The following SPEN variants were observed in gnomAD, a reference collection of about 807,000 sequenced individuals.
The protein encoded by SPEN is spen family transcriptional repressor.
Under a neutral mutation model 269.9 loss-of-function variants are expected in SPEN, and 18 were observed. The ratio of observed to expected loss-of-function variants is 0.07; its 90% CI spans 0.05 to 0.10. The LOEUF is 0.10. Among genes scored for constraint, SPEN ranks in the 10% least tolerant of loss-of-function variants. The pLI, the probability that SPEN is intolerant of heterozygous loss-of-function variation, is 1.00. For missense variants in SPEN, 3,822 were observed against 4,631.2 expected (o/e 0.83, Z 5.07); for synonymous variants, 1,726 against 1,765.7 (o/e 0.98, Z 0.56).
At chr1:15,855,299 TTTGA>T (rs1191934767) in intron 1 of SPEN, among the ~76,000 whole-genome samples, 9 of 152,212 alleles carry the variant, frequency 5.9e-5, no homozygotes, top group South Asian at 2.1e-4. Context: ...TTGTATTGAC[TTTGA>T]TTGTTATATT....
chr1:15,883,470 A>G, intron 3 of SPEN, among the ~76,000 whole-genome samples: 1 of 151,190 alleles, frequency 6.6e-6, no homozygotes, highest in East Asian at 2.0e-4. Flanking sequence ...TGCCCAGGCT[A>G]GAGTGCAGTG....
intron 2 of SPEN, among the ~76,000 whole-genome samples, 169 bp from the exon 3 acceptor site, chr1:15,876,033 C>T (rs557270602): frequency 6.6e-6 from 1 of 152,246 alleles, no homozygotes; most frequent in South Asian, 2.1e-4. Flanking sequence ...TTTTTGGAGT[C>T]AAGTAAAATG....
chr1:15,936,832 T>C (rs188517971), intron 11 of SPEN, among the ~76,000 whole-genome samples: 1 of 152,302 alleles, frequency 6.6e-6, no homozygotes, highest in Admixed American at 6.5e-5. Flanking sequence ...AGTGAACTGG[T>C]CAGCTAGTCC....
chr1:15,924,870 C>T (rs954216586), intron 10 of SPEN, among the ~76,000 whole-genome samples: 11 of 152,142 alleles, frequency 7.2e-5, no homozygotes, highest in Admixed American at 5.2e-4. Context: ...CATGAGGACG[C>T]AGGAGGGTGT....
intron 3 of SPEN, among the ~76,000 whole-genome samples, chr1:15,887,431 G>A (rs550712276): frequency 2.0e-4 from 30 of 151,404 alleles, no homozygotes; most frequent in East Asian, 5.9e-4. Flanking sequence ...ACAAGCGCCC[G>A]CCACCACGCC....
In SPEN at chr1:15,939,668, C is replaced by T. The variant is rs2071318190; in HGVS notation, c.*241C>T. On this transcript the variant is annotated 3_prime_UTR_variant, in exon 15 of 15. Transcript: ENST00000375759. The surrounding 1 kb of genome is among the most constrained non-coding windows in gnomAD (Gnocchi z 4.1). ...GACACATCACCAACCCATGGACTCG[C>T]AGACACCGGGGCTGGGTTTCTCTTT... 5.3e-6 allele frequency: 2 copies of T among 379,312 alleles called. No homozygotes were observed. Among genetic ancestry groups the T allele is most frequent in the Non-Finnish European group, 9.3e-6 (2 of 214,986 alleles). 23.5% of individuals were successfully genotyped at this position (379,312 alleles called of 1,614,324 possible).
chr1:15,884,573 G>C (rs1271790521), intron 3 of SPEN, among the ~76,000 whole-genome samples: 3 of 152,050 alleles, frequency 2.0e-5, no homozygotes, highest in East Asian at 3.8e-4. Flanking sequence ...GTGCATTCAG[G>C]TGTCAATTGG....
At chr1:15,911,371 G>T in intron 5 of SPEN, 70 bp downstream of exon 5, 2 of 1,262,030 alleles carry the variant, frequency 1.6e-6, no homozygotes, top group Admixed American at 3.5e-5. Context: ...GTATGAGAGG[G>T]CAGCATATGA....
In SPEN at chr1:15,928,864, T is replaced by A; in HGVS notation, c.2624T>A (p.Met875Lys). The change falls in exon 11 of 15, where the codon ATG becomes AAG. Residue 875 changes from methionine (M) to lysine (K), a missense_variant. Physicochemically the swap from Met to Lys is moderately conservative, Grantham distance 95. Transcript: ENST00000375759. This position sits in a 1 kb window ranked among gnomAD's most constrained non-coding sequence, Gnocchi z 5.7. ...EGIAKNRLEL[M>K]PCVVLTRVKE... ...ATAGCGAAAAACCGCCTGGAACTCA[T>A]GCCTTGCGTGGTTTTGACTCGAGTG... 6.2e-7 allele frequency: 1 copy of A among 1,614,150 alleles called. No homozygotes were observed. Among genetic ancestry groups the A allele is most frequent in the Non-Finnish European group, 8.5e-7 (1 of 1,180,018 alleles).
intron 3 of SPEN, among the ~76,000 whole-genome samples, chr1:15,885,919 T>C (rs2070732764): frequency 6.6e-6 from 1 of 152,206 alleles, no homozygotes; most frequent in African/African-American, 2.4e-5. Flanking sequence ...TTTGTTATTG[T>C]GCAATAAGCA....
Position 15,937,486 on chromosome 1 carries a change from G to C in SPEN, c.10350G>C (p.Gln3450His). The C allele has an allele frequency of 6.2e-7, 1 of 1,613,860 alleles. No homozygotes were observed. The highest frequency in any genetic ancestry group is 8.5e-7 in the Non-Finnish European group (1 of 1,180,020). The part of the protein sequence containing the change: ...KPDLPVSLPT[Q>H]TAPKQPLFVP... ...ACCTTCCAGTCTCTCTTCCCACTCA[G>C]ACTGCCCCAAAACAGCCGTTGTTTG... Residue 3450 changes from glutamine to histidine, a missense_variant, in exon 12 of 15, where the codon CAG becomes CAC. By Grantham distance (24) the Gln-to-His change is conservative. This residue lies in a region of SPEN where 359 missense variants were observed against 377.3 expected (regional missense o/e 0.95). Transcript: ENST00000375759. The surrounding 1 kb of genome is among the most constrained non-coding windows in gnomAD (Gnocchi z 5.7).
At chr1:15,920,731 A>G (rs904741786) in intron 8 of SPEN, 139 bp from the exon 9 acceptor site, 1 of 374,436 alleles carries the variant, frequency 2.7e-6, no homozygotes, top group African/African-American at 2.1e-5. Flanking sequence ...TGTGCATCAC[A>G]CTTTTTTTTT....
In SPEN at chr1:15,869,580, G is replaced by GTATTTATTTATTTATT. The variant is rs139016154; in HGVS notation, c.84-3216_84-3201dup. ...AGCACAAACATTTATTGTCTCTACT[G>GTATTTATTTATTTATT]TATTTATTTATTTATTTATTTATTT... On this transcript the variant is annotated intron_variant, in intron 1 of 14. Transcript: ENST00000375759. 2.0e-3 allele frequency among the ~76,000 whole-genome samples: 297 copies of GTATTTATTTATTTATT among 146,080 alleles called. 3 individuals are homozygous for GTATTTATTTATTTATT. The highest frequency in any genetic ancestry group is 8.6e-3 in the East Asian group (43 of 4,974).
At chr1:15,886,347 G>A (rs1246758180) in intron 3 of SPEN, among the ~76,000 whole-genome samples, 1 of 152,134 alleles carries the variant, frequency 6.6e-6, no homozygotes, top group East Asian at 1.9e-4. Context: ...ATATTGTGGG[G>A]GAAAATAGGA....
Position 15,936,185 on chromosome 1 carries a change from C to T in SPEN, c.9945C>T (p.His3315=). The T allele has an allele frequency of 3.8e-6, 6 of 1,592,368 alleles. No individual in the cohort carries two copies. The highest frequency in any genetic ancestry group is 5.1e-6 in the Non-Finnish European group (6 of 1,165,206). ...GGTACGGCGACATCCGCACCTACCA[C>T]CCCCCGGCCCAGCTCACACACACTC... ...EYRYGDIRTY[H]PPAQLTHTQF... is the part of the protein sequence containing the mutation. Residue 3315 remains histidine, a synonymous_variant, in exon 11 of 15, where the codon CAC becomes CAT. Coordinates refer to ENST00000375759, the MANE Select transcript of SPEN (RefSeq NM_015001.3).
At chr1:15,909,766 C>T (rs2070994446) in intron 4 of SPEN, among the ~76,000 whole-genome samples, 1 of 152,134 alleles carries the variant, frequency 6.6e-6, no homozygotes, top group Non-Finnish European at 1.5e-5. Flanking sequence ...AGTAGATAGT[C>T]ATGCCAACAA....
chr1:15,873,227 G>A, intron 2 of SPEN, 91 bp downstream of exon 2: 3 of 1,448,282 alleles, frequency 2.1e-6, no homozygotes, highest in African/African-American at 1.4e-5. Flanking sequence ...TGGATTTAAA[G>A]TTTTGGGCAT....
chr1:15,891,352 A>AT (rs34925405), intron 3 of SPEN, among the ~76,000 whole-genome samples: 8,880 of 138,856 alleles, frequency 0.064, 314 homozygotes, highest in South Asian at 0.15. Context: ...ACTTAGCTAA[A>AT]TTTTTTTTTT....
rs775010663 is a variant in SPEN, at chr1:15,930,649, G to A, written c.4409G>A (p.Arg1470Gln). 5.0e-6 allele frequency: 8 copies of A among 1,613,936 alleles called. No homozygotes were observed. The South Asian group carries it at 5.5e-5, about 11-fold the overall frequency. Residue 1470 changes from arginine to glutamine, a missense_variant, in exon 11 of 15, where the codon CGA (arginine) becomes CAA (glutamine). Around this residue, in one of 16 missense-constraint regions of SPEN, gnomAD observed 267 missense variants for 315.5 expected, o/e 0.85. Coordinates refer to ENST00000375759, the MANE Select transcript of SPEN (RefSeq NM_015001.3). This position sits in a 1 kb window ranked among gnomAD's most constrained non-coding sequence, Gnocchi z 5.3. ...TGGTCTTTTCTTGATTGGGACTCCC[G>A]ATTTGCAAATTTTCGAAACAACAAA... ...ENWSFLDWDS[R>Q]FANFRNNKDK...
Sources: allele counts gnomAD v4.1 joint callset (sites outside exome capture counted in the v4.1 genomes callset), GRCh38; gene constraint gnomAD v4.1.1; regional missense constraint gnomAD v4.1.1; non-coding constraint Gnocchi (gnomAD v3.1); transcripts MANE v1.5; gene names NCBI Gene and HGNC (gene_info 2026-07-23, HGNC 2026-07-21).